The following COBL variants were observed in gnomAD, a reference collection of about 807,000 sequenced individuals.
COBL encodes the protein protein cordon-bleu.
Under a neutral mutation model 98.8 loss-of-function variants are expected in COBL, and 51 were observed. The ratio of observed to expected loss-of-function variants is 0.52; its 90% CI spans 0.41 to 0.65. COBL has a LOEUF of 0.65. Among genes scored for constraint, COBL ranks in the 30% least tolerant of loss-of-function variants. The pLI, the probability that COBL is intolerant of heterozygous loss-of-function variation, is 0.00. For synonymous variants in COBL, 634 were observed against 651.7 expected (o/e 0.97, Z 0.41); for missense variants, 1,617 against 1,617.5 (o/e 1.00, Z 0.01).
At chr7:51,219,970 A>C (rs537129056) in intron 1 of COBL, 26 bp from the exon 2 acceptor site, 2 of 1,597,452 alleles carry the variant, frequency 1.3e-6, no homozygotes, top group East Asian at 4.5e-5. Flanking sequence ...ACAAAGGCAC[A>C]GAGTCAGTGG....
At chr7:51,217,657 C>G (rs184962729) in intron 2 of COBL, among the ~76,000 whole-genome samples, 145 of 152,140 alleles carry the variant, frequency 9.5e-4, no homozygotes, top group Admixed American at 3.6e-3. Context: ...ATGCCATTTT[C>G]TAAACAAAAT....
chr7:51,081,392 C>A (rs113258018), intron 7 of COBL, among the ~76,000 whole-genome samples: 1 of 152,172 alleles, frequency 6.6e-6, no homozygotes, highest in Admixed American at 6.5e-5. Flanking sequence ...CAAGGCAAGA[C>A]GAAGGTGAGT....
intron 7 of COBL, among the ~76,000 whole-genome samples, chr7:51,044,758 T>C (rs930275959): frequency 1.3e-5 from 2 of 152,200 alleles, no homozygotes; most frequent in African/African-American, 2.4e-5. Flanking sequence ...CACAAAATCA[T>C]GCACTGAGAG....
intron 6 of COBL, among the ~76,000 whole-genome samples, chr7:51,112,668 C>T (rs1796944256): frequency 6.6e-6 from 1 of 152,174 alleles, no homozygotes; most frequent in African/African-American, 2.4e-5. Context: ...CTTTGGGTCT[C>T]ATCAGAAGTA....
intron 2 of COBL, among the ~76,000 whole-genome samples, chr7:51,198,584 C>G (rs959458464): frequency 2.0e-5 from 3 of 152,200 alleles, no homozygotes; most frequent in African/African-American, 7.2e-5. Flanking sequence ...AAGCTAAACT[C>G]TCTTTTCCTA....
chr7:51,157,361 A>T (rs1786269454), intron 5 of COBL, among the ~76,000 whole-genome samples: 1 of 152,192 alleles, frequency 6.6e-6, no homozygotes, highest in African/African-American at 2.4e-5. Context: ...CAACACAGCA[A>T]GACTCCGCCT....
intron 12 of COBL, among the ~76,000 whole-genome samples, chr7:51,021,846 A>C (rs899617337): frequency 1.3e-5 from 2 of 152,226 alleles, no homozygotes; most frequent in African/African-American, 2.4e-5. Context: ...TCCTGTGACC[A>C]CAGGTCTACT....
chr7:51,244,874 G>A (rs1796150067), intron 1 of COBL, among the ~76,000 whole-genome samples: 4 of 152,164 alleles, frequency 2.6e-5, no homozygotes. Flanking sequence ...GGGAGTTCCT[G>A]CAAGGAACGC....
chr7:51,301,877 C>T, intron 1 of COBL, among the ~76,000 whole-genome samples: 1 of 152,222 alleles, frequency 6.6e-6, no homozygotes, highest in African/African-American at 2.4e-5. Context: ...TCAGTCCATG[C>T]CTGCCTCTCT....
intron 2 of COBL, among the ~76,000 whole-genome samples, chr7:51,214,355 G>A (rs371749057): frequency 2.6e-5 from 4 of 152,182 alleles, no homozygotes; most frequent in African/African-American, 9.6e-5. Context: ...ATGGAGAGAG[G>A]TGATGTGCAG....
At chr7:51,251,389 T>C (rs1796716659) in intron 1 of COBL, among the ~76,000 whole-genome samples, 1 of 152,214 alleles carries the variant, frequency 6.6e-6, no homozygotes, top group South Asian at 2.1e-4. Context: ...TGAGAGAGGA[T>C]TCTGTGCTGT....
At chr7:51,136,024 T>G (rs920063315) in intron 6 of COBL, 134 bp downstream of exon 6, 1 of 1,166,266 alleles carries the variant, frequency 8.6e-7, no homozygotes, top group African/African-American at 1.6e-5. Context: ...AAATAAAGCT[T>G]AAATACTTGC....
intron 1 of COBL, among the ~76,000 whole-genome samples, chr7:51,232,038 T>C (rs1794804351): frequency 6.6e-6 from 1 of 152,120 alleles, no homozygotes; most frequent in Non-Finnish European, 1.5e-5. Context: ...ACGCTGTCAT[T>C]CAGAAGAGGC....
At chr7:51,237,131 C>T (rs1189422968) in intron 1 of COBL, among the ~76,000 whole-genome samples, 1 of 152,200 alleles carries the variant, frequency 6.6e-6, no homozygotes, top group Admixed American at 6.5e-5. Context: ...CAAGGAAGTC[C>T]TCAATGTGCA....
chr7:51,251,480 G>T (rs923755958), intron 1 of COBL, among the ~76,000 whole-genome samples: 1 of 152,170 alleles, frequency 6.6e-6, no homozygotes, highest in Non-Finnish European at 1.5e-5. Flanking sequence ...GACCTCTGCC[G>T]AATGACTCAT....
intron 6 of COBL, among the ~76,000 whole-genome samples, chr7:51,098,023 C>CAA (rs3047141): frequency 2.1e-5 from 2 of 94,330 alleles, no homozygotes; most frequent in East Asian, 3.0e-4. Flanking sequence ...GACTCCATCT[C>CAA]AAAAAAAAAA....
chr7:51,196,890 G>A (rs141896972), intron 2 of COBL, among the ~76,000 whole-genome samples: 10 of 151,254 alleles, frequency 6.6e-5, no homozygotes, highest in Non-Finnish European at 1.5e-4. Flanking sequence ...GCTATTTCTG[G>A]TTGTGTTTAT....
chr7:51,089,739 C>A (rs565365157), intron 6 of COBL, among the ~76,000 whole-genome samples: 4 of 152,240 alleles, frequency 2.6e-5, no homozygotes, highest in Admixed American at 2.6e-4. Flanking sequence ...GTATGGTATA[C>A]AACTGATGAT....
At chr7:51,271,710 T>C (rs1393795792) in intron 1 of COBL, among the ~76,000 whole-genome samples, 1 of 152,172 alleles carries the variant, frequency 6.6e-6, no homozygotes, top group Non-Finnish European at 1.5e-5. Context: ...ATCACAATTA[T>C]TTGCATGCTC....
Sources: gnomAD v4.1 joint callset for allele counts (sites outside exome capture counted in the v4.1 genomes callset) on GRCh38, gnomAD v4.1.1 for gene constraint, MANE v1.5 for transcripts, NCBI Gene and HGNC (gene_info 2026-07-23, HGNC 2026-07-21) for gene names.